PPP1R8: variants seen among roughly 807,000 people sequenced by gnomAD.
PPP1R8 encodes the protein protein phosphatase 1 regulatory subunit 8, also known as nuclear inhibitor of protein phosphatase 1.
PPP1R8 carries 4 observed loss-of-function variants against 31.3 expected under a neutral mutation model. The ratio of observed to expected loss-of-function variants is 0.13; its 90% CI spans 0.06 to 0.29. The LOEUF is 0.29. Ranked by LOEUF, PPP1R8 falls within the 10% of genes least tolerant of loss-of-function variation. The probability of loss-of-function intolerance (pLI) is 1.00; values close to 1 mark genes in which losing one functional copy is unlikely to be tolerated. For synonymous variants in PPP1R8, 170 were observed against 169.7 expected (o/e 1.00, Z -0.01); for missense variants, 254 against 440.1 (o/e 0.58, Z 3.78).
At chr1:27,839,401 G>A (rs746117315) in intron 3 of PPP1R8, among the ~76,000 whole-genome samples, 13 of 152,098 alleles carry the variant, frequency 8.5e-5, no homozygotes, top group Non-Finnish European at 1.8e-4. Flanking sequence ...GGCGGCGGGT[G>A]CCTGTAATTC....
At chr1:27,838,912 G>T in intron 3 of PPP1R8, 60 bp downstream of exon 3, 4 of 1,388,976 alleles carry the variant, frequency 2.9e-6, no homozygotes, top group Non-Finnish European at 3.8e-6. Context: ...TACTCTTTGG[G>T]TTCTTTAGTT....
In PPP1R8 at chr1:27,841,136, A is replaced by G. The variant is rs759266149; in HGVS notation, c.394A>G (p.Thr132Ala). Residue 132 changes from threonine to alanine, a missense_variant, in exon 4 of 7, where the codon ACA becomes GCA. By Grantham distance (58) the Thr-to-Ala change is moderately conservative. Around this residue, in one of 6 missense-constraint regions of PPP1R8, gnomAD observed 27 missense variants for 26.7 expected, o/e 1.01. Transcript: ENST00000311772. ...RAYTLREKPQ[T>A]LPSAVKGDEK... ...ATACACTCTGCGCGAGAAGCCTCAG[A>G]CATTGCCATCGGCTGTGAAAGGAGA... The G allele has an allele frequency of 6.2e-7, 1 of 1,614,210 alleles. No homozygotes were observed. Among genetic ancestry groups the G allele is most frequent in the Admixed American group, 1.7e-5 (1 of 60,024 alleles).
Position 27,850,179 on chromosome 1 carries a change from C to T in PPP1R8, c.789C>T (p.Leu263=), listed in dbSNP as rs145250530. ...AGAACTTTGCCTTCAGCGGAGGACT[C>T]TACGGGGGCCTGCCCCCCACACACA... ...RMQNFAFSGG[L]YGGLPPTHSE... Residue 263 remains leucine, a synonymous_variant, in exon 7 of 7, where the codon CTC becomes CTT. Transcript: ENST00000311772. 264 of 1,614,126 alleles carry T rather than the reference C, an allele frequency of 1.6e-4. No individual in the cohort carries two copies. Among genetic ancestry groups the T allele is most frequent in the African/African-American group, 9.7e-4 (73 of 75,060 alleles).
chr1:27,846,221 A>G (rs189393538), intron 5 of PPP1R8, among the ~76,000 whole-genome samples: 3 of 152,370 alleles, frequency 2.0e-5, no homozygotes, highest in East Asian at 3.9e-4. Flanking sequence ...GTAGTGGTAC[A>G]TAAGTTGGTG....
At chr1:27,844,828 C>A (rs1457705682) in intron 5 of PPP1R8, among the ~76,000 whole-genome samples, 3 of 144,804 alleles carry the variant, frequency 2.1e-5, no homozygotes, top group African/African-American at 7.8e-5. Flanking sequence ...CGCCATTTTC[C>A]TGCCTCAGCC....
chr1:27,847,701 A>G (rs1358478970), intron 6 of PPP1R8, among the ~76,000 whole-genome samples: 1 of 152,106 alleles, frequency 6.6e-6, no homozygotes, highest in Admixed American at 6.6e-5. Flanking sequence ...ACTGCACTCC[A>G]GCCTGGTGAC....
chr1:27,851,160 T>C lies in PPP1R8; in HGVS notation c.*714T>C. 6.2e-6 allele frequency: 1 copy of C among 160,782 alleles called. No individual in the cohort carries two copies. Among genetic ancestry groups the C allele is most frequent in the East Asian group, 1.7e-4 (1 of 5,752 alleles). The allele number at this position is 160,782 out of a possible 1,614,324, so 10.0% of individuals were successfully genotyped here. A position where few individuals can be genotyped will look rare whatever the true frequency, so the allele number is the denominator to read the frequency against. On this transcript the variant is annotated 3_prime_UTR_variant, in exon 7 of 7. Transcript: ENST00000311772. Reference sequence around the variant, plus strand: ...CCTCCTGCTGAAGTTTCTTATTTAATTCCAGAGTACTGTCCTCTACTCTAA... The same window carrying C: ...CCTCCTGCTGAAGTTTCTTATTTAACTCCAGAGTACTGTCCTCTACTCTAA...
intron 2 of PPP1R8, among the ~76,000 whole-genome samples, chr1:27,834,766 C>T (rs2089146234): frequency 1.3e-5 from 2 of 152,096 alleles, no homozygotes; most frequent in South Asian, 2.1e-4. Context: ...ACCTGGCCTC[C>T]CAGCACTTTG....
At chr1:27,848,588 T>G (rs1299910564) in intron 6 of PPP1R8, among the ~76,000 whole-genome samples, 1 of 152,188 alleles carries the variant, frequency 6.6e-6, no homozygotes, top group Non-Finnish European at 1.5e-5. Flanking sequence ...AGAGATGATA[T>G]AGAAAGTTTT....
chr1:27,840,268 T>C (rs1479569378), intron 3 of PPP1R8, among the ~76,000 whole-genome samples: 1 of 152,170 alleles, frequency 6.6e-6, no homozygotes, highest in Non-Finnish European at 1.5e-5. Flanking sequence ...GCATATCATG[T>C]TGGACTCCAC....
At chr1:27,835,835 C>T (rs2089159276) in intron 2 of PPP1R8, among the ~76,000 whole-genome samples, 1 of 152,206 alleles carries the variant, frequency 6.6e-6, no homozygotes, top group South Asian at 2.1e-4. Context: ...TTCTTTATGC[C>T]TCAATTTTGT....
intron 1 of PPP1R8, 73 bp from the exon 2 acceptor site, chr1:27,832,683 G>C (rs150823875): frequency 1.7e-5 from 22 of 1,303,280 alleles, no homozygotes; most frequent in African/African-American, 3.0e-5. Context: ...CTGCAATGTT[G>C]AATGGGACAA....
intron 5 of PPP1R8, 150 bp from the exon 6 acceptor site, chr1:27,846,878 A>T: frequency 1.5e-6 from 1 of 674,782 alleles, no homozygotes; most frequent in East Asian, 2.7e-5. Context: ...CTTTGTGAGG[A>T]TTTAGCACAA....
rs151006910 is a variant in PPP1R8 at position 27,831,020 on chromosome 1, CTGTT to C, written c.56+132_56+135del. On this transcript the variant is annotated intron_variant, in intron 1 of 6. Transcript: ENST00000311772. ...AAACCCCGGAATGGTTGAGGAAAAA[CTGTT>C]TGCTGCACCGGGCCGGGCGACGTGT... The C allele has an allele frequency of 2.1e-4, 292 of 1,416,920 alleles. 3 individuals are homozygous for C. In the East Asian group the frequency reaches 7.2e-3, roughly 35 times the overall value. The allele number at this position is 1,416,920 out of a possible 1,614,324, so 87.8% of individuals were successfully genotyped here. A position where few individuals can be genotyped will look rare whatever the true frequency, so the allele number is the denominator to read the frequency against.
In PPP1R8 at chr1:27,841,245, GT is replaced by G; in HGVS notation, c.492+14del. The G allele has an allele frequency of 6.2e-7, 1 of 1,613,314 alleles. No homozygotes were observed. Among genetic ancestry groups the G allele is most frequent in the Non-Finnish European group, 8.5e-7 (1 of 1,179,608 alleles). ...GAAACTGAGCTTGATGTAATTCCCT[GT>G]TTATGTCATTGTTTTGTCTTTGGGG... is the stretch of plus-strand genomic sequence containing the variant. On this transcript the variant is annotated intron_variant, in intron 4 of 6. Coordinates refer to ENST00000311772, the MANE Select transcript of PPP1R8 (RefSeq NM_014110.5).
intron 2 of PPP1R8, among the ~76,000 whole-genome samples, chr1:27,837,219 CAGG>C (rs1242842989): frequency 6.6e-6 from 1 of 152,036 alleles, no homozygotes; most frequent in African/African-American, 2.4e-5. Context: ...ATCATGAGGT[CAGG>C]AGATCAAGAC....
intron 5 of PPP1R8, among the ~76,000 whole-genome samples, chr1:27,846,170 CACTATATTAAGTTA>C (rs2089278259): frequency 6.6e-6 from 1 of 152,188 alleles, no homozygotes; most frequent in South Asian, 2.1e-4. Context: ...CCTTCTCTAT[CACTATATTAAGTTA>C]ACTGGGGCTT....
chr1:27,848,113 A>G (rs1461342288), intron 6 of PPP1R8, among the ~76,000 whole-genome samples: 1 of 152,134 alleles, frequency 6.6e-6, no homozygotes, highest in Non-Finnish European at 1.5e-5. Flanking sequence ...TTTAAAGATA[A>G]GTATGTTGGC....
intron 5 of PPP1R8, among the ~76,000 whole-genome samples, chr1:27,845,306 C>T (rs1471936135): frequency 2.0e-5 from 3 of 150,644 alleles, no homozygotes; most frequent in Admixed American, 6.6e-5. Flanking sequence ...AGGAGAATGG[C>T]GTGAACCCAG....
Sources: gnomAD v4.1 joint callset for allele counts (sites outside exome capture counted in the v4.1 genomes callset) on GRCh38, gnomAD v4.1.1 for gene constraint, gnomAD v4.1.1 regional missense constraint, MANE v1.5 for transcripts, NCBI Gene and HGNC (gene_info 2026-07-23, HGNC 2026-07-21) for gene names.